The following CENPP variants were observed in gnomAD, a reference collection of about 807,000 sequenced individuals.
CENPP encodes centromere protein P.
In CENPP, 24 loss-of-function variants were observed where a neutral mutation model predicts 35.6. The ratio of observed to expected loss-of-function variants is 0.67; its 90% confidence interval spans 0.49 to 0.95. The LOEUF is 0.95. Among genes scored for constraint, CENPP ranks in the 40% least tolerant of loss-of-function variants. CENPP has a pLI of 0.00. For missense variants in CENPP, 332 were observed against 345.3 expected (o/e 0.96, Z 0.31); for synonymous variants, 120 against 125.5 (o/e 0.96, Z 0.29).
At chr9:92,417,057 G>A in intron 5 of CENPP, 8 of 1,613,970 alleles carry the variant, frequency 5.0e-6, no homozygotes, top group Non-Finnish European at 6.8e-6. Context: ...TAACCAAGAA[G>A]GAGTCTTTCC....
intron 5 of CENPP, among the ~76,000 whole-genome samples, chr9:92,581,850 A>T (rs973798308): frequency 6.6e-6 from 1 of 152,212 alleles, no homozygotes; most frequent in African/African-American, 2.4e-5. Context: ...ATTCAAAAAT[A>T]CACAGTAATA....
At chr9:92,395,049 A>T (rs939937349) in intron 5 of CENPP, among the ~76,000 whole-genome samples, 2 of 152,048 alleles carry the variant, frequency 1.3e-5, no homozygotes, top group African/African-American at 4.8e-5. Flanking sequence ...TTTTGTGGTT[A>T]GCTGACTTAC....
chr9:92,417,887 C>T (rs566872453), intron 5 of CENPP, among the ~76,000 whole-genome samples: 2 of 151,174 alleles, frequency 1.3e-5, no homozygotes, highest in South Asian at 2.1e-4. Context: ...CCACTATGCC[C>T]AGCTTATTTT....
chr9:92,508,296 C>T lies in CENPP; in HGVS notation c.565-103018C>T, dbSNP rs531526219. On this transcript the variant is annotated intron_variant, in intron 5 of 7. Coordinates refer to ENST00000375587, the MANE Select transcript of CENPP (RefSeq NM_001012267.3). ...GGACAGAAGCACTGCCGGCATGGGG[C>T]CGAGGCTCCTCGGGTGCTCGGACTG... is the stretch of plus-strand genomic sequence containing the variant. 2.0e-4 allele frequency among the ~76,000 whole-genome samples: 30 copies of T among 152,344 alleles called. No individual in the cohort carries two copies. In the South Asian group the frequency reaches 6.2e-3, roughly 32 times the overall value.
chr9:92,391,134 C>T (rs1186892536), intron 5 of CENPP, among the ~76,000 whole-genome samples: 3 of 151,412 alleles, frequency 2.0e-5, no homozygotes, highest in Non-Finnish European at 2.9e-5. Context: ...CGGTGGCTCA[C>T]ACCTGTAATC....
At chr9:92,502,502 C>A in intron 5 of CENPP, 4 of 1,611,024 alleles carry the variant, frequency 2.5e-6, no homozygotes, top group Non-Finnish European at 3.4e-6. Flanking sequence ...TAAATTGTAG[C>A]ATGTACTTAC....
At position 92,404,365 on chromosome 9, in the gene CENPP, A is replaced by G. The variant is rs542591060; in HGVS notation, c.564+24506A>G. On this transcript the variant is annotated intron_variant, in intron 5 of 7. Coordinates refer to ENST00000375587, the MANE Select transcript of CENPP (RefSeq NM_001012267.3). Reference sequence around the variant, plus strand: ...AATTTATGCGATGATATACATAAGTACTTCTTAAAAATTAATTGAGGTAAC... The same window carrying G: ...AATTTATGCGATGATATACATAAGTGCTTCTTAAAAATTAATTGAGGTAAC... The G allele has an allele frequency of 7.2e-5, 33 of 459,822 alleles. No homozygotes were observed. In the East Asian group the frequency reaches 3.2e-3, roughly 45 times the overall value. 28.5% of individuals were successfully genotyped at this position (459,822 alleles called of 1,614,324 possible).
intron 5 of CENPP, among the ~76,000 whole-genome samples, chr9:92,518,807 T>G (rs1847885423): frequency 6.6e-6 from 1 of 152,160 alleles, no homozygotes; most frequent in South Asian, 2.1e-4. Context: ...AAGAATCGCT[T>G]GAACCCAGGA....
chr9:92,620,274 A>G lies in CENPP; in HGVS notation c.*7125A>G, dbSNP rs1284502993. The G allele has an allele frequency of 2.0e-5, 3 of 153,632 alleles. No homozygotes were observed. The highest frequency in any genetic ancestry group is 4.4e-5 in the Non-Finnish European group (3 of 68,938). The allele number at this position is 153,632 out of a possible 1,614,324, so 9.5% of individuals were successfully genotyped here. A position where few individuals can be genotyped will look rare whatever the true frequency, so the allele number is the denominator to read the frequency against. On this transcript the variant is annotated 3_prime_UTR_variant, in exon 8 of 8. Coordinates refer to ENST00000375587, the MANE Select transcript of CENPP (RefSeq NM_001012267.3). ...TGCTCCAAGCTATGTGGGTCTGTCC[A>G]TACTGACCAGGGACAGCTCAACACA...
intron 5 of CENPP, among the ~76,000 whole-genome samples, chr9:92,426,903 G>C (rs1437483789): frequency 6.6e-6 from 1 of 152,152 alleles, no homozygotes; most frequent in African/African-American, 2.4e-5. Context: ...GATCCTACAA[G>C]CAGGAGCACT....
chr9:92,382,448 C>T (rs1358306738), intron 5 of CENPP, among the ~76,000 whole-genome samples: 1 of 152,078 alleles, frequency 6.6e-6, no homozygotes, highest in African/African-American at 2.4e-5. Flanking sequence ...TGGTATAGAA[C>T]TTATTCCTCC....
chr9:92,343,618 C>T (rs761688210), intron 3 of CENPP, among the ~76,000 whole-genome samples: 2 of 152,090 alleles, frequency 1.3e-5, no homozygotes, highest in East Asian at 1.9e-4. Context: ...ACACTGAAAT[C>T]CAATACAGGG....
rs577079401 is a variant in CENPP at position 92,619,323 on chromosome 9, C to T, written c.*6174C>T. On this transcript the variant is annotated 3_prime_UTR_variant, in exon 8 of 8. Transcript: ENST00000375587. ...GACTGAATTACAAGCTTCTAGAGGGCGAGAGTTAGTAAGCCCCATGATGTC... is the reference window on the plus strand; with the variant it reads ...GACTGAATTACAAGCTTCTAGAGGGTGAGAGTTAGTAAGCCCCATGATGTC... The T allele has an allele frequency of 3.1e-5, 19 of 605,652 alleles. No individual in the cohort carries two copies. The highest frequency in any genetic ancestry group is 1.6e-4 in the Admixed American group (6 of 38,258). 37.5% of individuals were successfully genotyped at this position (605,652 alleles called of 1,614,324 possible). A position where few individuals can be genotyped will look rare whatever the true frequency, so the allele number is the denominator to read the frequency against.
chr9:92,455,932 A>G (rs576523596), intron 5 of CENPP, among the ~76,000 whole-genome samples: 1 of 152,202 alleles, frequency 6.6e-6, no homozygotes, highest in South Asian at 2.1e-4. Context: ...TTAGCTGGGC[A>G]TGGTGGCATG....
intron 5 of CENPP, among the ~76,000 whole-genome samples, chr9:92,572,855 G>C (rs1192019774): frequency 6.6e-6 from 1 of 151,950 alleles, no homozygotes; most frequent in African/African-American, 2.4e-5. Flanking sequence ...TTCAATCACT[G>C]ATACCCTTTC....
At chr9:92,436,688 C>T (rs1844253076) in intron 5 of CENPP, among the ~76,000 whole-genome samples, 1 of 152,126 alleles carries the variant, frequency 6.6e-6, no homozygotes, top group Admixed American at 6.5e-5. Context: ...AATCAATTGT[C>T]TGCACTTAAT....
chr9:92,494,056 G>C (rs1259215681), intron 5 of CENPP: 3 of 1,595,312 alleles, frequency 1.9e-6, no homozygotes, highest in South Asian at 2.2e-5. Flanking sequence ...CTGCTTACTT[G>C]TCTGTTTGAT....
chr9:92,382,125 A>G (rs1842263949), intron 5 of CENPP, among the ~76,000 whole-genome samples: 1 of 151,960 alleles, frequency 6.6e-6, no homozygotes, highest in South Asian at 2.1e-4. Context: ...TCTAGATATT[A>G]ATTTCCTCTT....
intron 5 of CENPP, chr9:92,384,880 A>T (rs758324112): frequency 6.6e-6 from 1 of 152,478 alleles, no homozygotes; most frequent in Non-Finnish European, 1.5e-5. Context: ...TTATAAGCAT[A>T]TTGGTTTTGG....
Sources: allele counts gnomAD v4.1 joint callset (sites outside exome capture counted in the v4.1 genomes callset), GRCh38; gene constraint gnomAD v4.1.1; transcripts MANE v1.5; gene names NCBI Gene and HGNC (gene_info 2026-07-23, HGNC 2026-07-21).